Variants in CTNNA2 observed in about 807,000 individuals in gnomAD.
CTNNA2 encodes the protein catenin alpha-2.
CTNNA2 carries 42 observed loss-of-function variants against 101.0 expected under a neutral mutation model. The ratio of observed to expected loss-of-function variants is 0.42; its 90% CI spans 0.32 to 0.54. The LOEUF (loss-of-function observed/expected upper bound fraction) is 0.54. Among genes scored for constraint, CTNNA2 ranks in the 20% least tolerant of loss-of-function variants. The pLI is 0.14. For missense variants in CTNNA2, 871 were observed against 1,223.1 expected (o/e 0.71, Z 4.29); for synonymous variants, 450 against 456.4 (o/e 0.99, Z 0.18).
chr2:80,478,307 G>A (rs111873411), intron 9 of CTNNA2, among the ~76,000 whole-genome samples: 46 of 151,802 alleles, frequency 3.0e-4, no homozygotes, highest in Admixed American at 3.9e-4. Flanking sequence ...CTTTGGTGGC[G>A]GCATAATTTG....
intron 7 of CTNNA2, among the ~76,000 whole-genome samples, chr2:79,959,030 C>G (rs938441710): frequency 6.6e-6 from 1 of 151,238 alleles, no homozygotes; most frequent in African/African-American, 2.4e-5. Context: ...GTAACCGTAT[C>G]TTACTCGACT....
At chr2:79,448,665 A>G (rs1233912245) in intron 4 of CTNNA2, among the ~76,000 whole-genome samples, 2 of 152,048 alleles carry the variant, frequency 1.3e-5, no homozygotes, top group African/African-American at 4.8e-5. Context: ...TACAAAGTCT[A>G]GAAATACATA....
intron 7 of CTNNA2, among the ~76,000 whole-genome samples, chr2:79,971,745 C>T (rs200921737): frequency 4.6e-5 from 7 of 152,164 alleles, no homozygotes; most frequent in African/African-American, 1.2e-4. Context: ...TTTCTTGAAA[C>T]GCTGTGGCTT....
intron 1 of CTNNA2, among the ~76,000 whole-genome samples, chr2:79,553,581 T>C (rs951049104): frequency 2.0e-5 from 3 of 152,084 alleles, no homozygotes; most frequent in Non-Finnish European, 2.9e-5. Flanking sequence ...AAGAAACTTA[T>C]AGTTATGGTG....
intron 7 of CTNNA2, among the ~76,000 whole-genome samples, chr2:80,299,966 G>A (rs562945060): frequency 9.9e-4 from 151 of 152,078 alleles, no homozygotes; most frequent in Non-Finnish European, 1.9e-3. Flanking sequence ...TACATTTTTT[G>A]TTTTCTAAAA....
In CTNNA2 at chr2:80,302,715, G is replaced by C. The variant is rs750274483; in HGVS notation, c.1057-90496G>C. 9 of 1,612,838 alleles carry C rather than the reference G, an allele frequency of 5.6e-6. No individual in the cohort carries two copies. In the East Asian group the frequency reaches 2.0e-4, roughly 36 times the overall value. ...GCCGAGAGCAGGTGGCCGCTGGTGG[G>C]CTCGGCCCCATCCTCGCACAGGTGG... On this transcript the variant is annotated intron_variant, in intron 7 of 18. Coordinates refer to ENST00000402739, the MANE Select transcript of CTNNA2 (RefSeq NM_001282597.3). This position sits in a 1 kb window ranked among gnomAD's most constrained non-coding sequence, Gnocchi z 6.4.
chr2:80,329,146 C>G (rs1451676306), intron 7 of CTNNA2, among the ~76,000 whole-genome samples: 1 of 152,152 alleles, frequency 6.6e-6, no homozygotes, highest in Non-Finnish European at 1.5e-5. Flanking sequence ...CTGTTTGCCC[C>G]TGTCCATGTG....
In CTNNA2 at chr2:79,705,331, C is replaced by A. The variant is rs181732214; in HGVS notation, c.103-39056C>A. ...GAGAGAGCGAGAAAGAGAGACACCA[C>A]ATTTACATAATTTTTATTACAGTTT... On this transcript the variant is annotated intron_variant, in intron 2 of 18. Coordinates refer to ENST00000402739, the MANE Select transcript of CTNNA2 (RefSeq NM_001282597.3). Among the ~76,000 whole-genome samples the A allele has an allele frequency of 2.0e-5, 3 of 152,274 alleles. No homozygotes were observed. The East Asian group carries it at 5.8e-4, about 29-fold the overall frequency.
intron 17 of CTNNA2, 146 bp downstream of exon 17, chr2:80,608,464 C>A: frequency 1.4e-6 from 1 of 719,622 alleles, no homozygotes; most frequent in Non-Finnish European, 2.1e-6. Context: ...CACCATTATT[C>A]CAGACCTTAC....
At position 80,551,759 on chromosome 2, in the gene CTNNA2, A is replaced by G. The variant is rs1033886445; in HGVS notation, c.1541-3934A>G. ...TATTTAGACCACTCAAACTTTCTCC[A>G]TATTAGCAATAAGGCTGCTTCATTT... On this transcript the variant is annotated intron_variant, in intron 11 of 18. Coordinates refer to ENST00000402739, the MANE Select transcript of CTNNA2 (RefSeq NM_001282597.3). 3.3e-5 allele frequency among the ~76,000 whole-genome samples: 5 copies of G among 152,298 alleles called. No homozygotes were observed. The East Asian group carries it at 7.7e-4, about 24-fold the overall frequency.
At chr2:80,214,114 A>G (rs112589335) in intron 7 of CTNNA2, among the ~76,000 whole-genome samples, 4,480 of 152,150 alleles carry the variant, frequency 0.029, 234 homozygotes, top group African/African-American at 0.1. Context: ...GTCTCTGCAC[A>G]TGAGATGGGT....
chr2:79,807,302 C>T (rs1280584909), intron 3 of CTNNA2, among the ~76,000 whole-genome samples: 1 of 152,080 alleles, frequency 6.6e-6, no homozygotes, highest in Non-Finnish European at 1.5e-5. Context: ...CTCAATAAAT[C>T]CTCTTTCTTT....
At chr2:79,675,828 A>T (rs1471297646) in intron 2 of CTNNA2, among the ~76,000 whole-genome samples, 1 of 152,258 alleles carries the variant, frequency 6.6e-6, no homozygotes, top group Non-Finnish European at 1.5e-5. Flanking sequence ...TTACAAGGAT[A>T]TAAAAAATGT....
chr2:80,178,655 A>G (rs1443411899), intron 7 of CTNNA2, among the ~76,000 whole-genome samples: 1 of 152,152 alleles, frequency 6.6e-6, no homozygotes, highest in East Asian at 1.9e-4. Context: ...CTTTCAGGTC[A>G]CTCGAAAAAT....
At chr2:80,512,683 T>TTTG (rs1401755904) in intron 9 of CTNNA2, among the ~76,000 whole-genome samples, 1 of 151,870 alleles carries the variant, frequency 6.6e-6, no homozygotes, top group East Asian at 1.9e-4. Flanking sequence ...AATTCTTTTT[T>TTTG]TTTGTTTGTT....
At chr2:79,469,829 GC>G (rs765576129) in intron 4 of CTNNA2, among the ~76,000 whole-genome samples, 2 of 152,044 alleles carry the variant, frequency 1.3e-5, no homozygotes, top group African/African-American at 2.4e-5. Flanking sequence ...AAATTCAACA[GC>G]CCTTCATGCT....
At chr2:80,647,327 T>G (rs1399573331) in intron 18 of CTNNA2, among the ~76,000 whole-genome samples, 1 of 152,174 alleles carries the variant, frequency 6.6e-6, no homozygotes, top group East Asian at 1.9e-4. Flanking sequence ...CCATTGCTAA[T>G]TACCCTAATG....
At chr2:79,764,874 G>T (rs909423714) in intron 3 of CTNNA2, among the ~76,000 whole-genome samples, 4 of 152,196 alleles carry the variant, frequency 2.6e-5, no homozygotes, top group Admixed American at 2.0e-4. Context: ...CAACAGAAGG[G>T]TTTACAAAGG....
At chr2:79,310,220 C>G (rs929676027) in intron 2 of CTNNA2, among the ~76,000 whole-genome samples, 1 of 151,972 alleles carries the variant, frequency 6.6e-6, no homozygotes, top group Non-Finnish European at 1.5e-5. Context: ...CTGTATTAGT[C>G]GGAACTTCCA....
Sources: allele counts gnomAD v4.1 joint callset (sites outside exome capture counted in the v4.1 genomes callset), GRCh38; gene constraint gnomAD v4.1.1; non-coding constraint Gnocchi (gnomAD v3.1); transcripts MANE v1.5; gene names NCBI Gene and HGNC (gene_info 2026-07-23, HGNC 2026-07-21).